The following CLUAP1 variants were observed in gnomAD, a reference collection of about 807,000 sequenced individuals.
CLUAP1 encodes the protein intraflagellar transport 38.
A neutral mutation model predicts 55.0 loss-of-function variants in CLUAP1; 50 were observed. That is an observed-to-expected ratio of 0.91 (90% CI 0.72 to 1.15). The LOEUF is 1.15. Ranked by LOEUF, CLUAP1 falls within the 50% of genes most tolerant of loss-of-function variation. The probability of loss-of-function intolerance (pLI) is 0.00; values close to 1 mark genes in which losing one functional copy is unlikely to be tolerated. For synonymous variants in CLUAP1, 195 were observed against 175.4 expected, an observed-to-expected ratio of 1.11 and a Z score of -0.88; for missense variants, 530 against 507.6, an observed-to-expected ratio of 1.04 and a Z score of -0.42.
chr16:3,529,649 ATT>A (rs1491475525), intron 9 of CLUAP1, among the ~76,000 whole-genome samples: 3,539 of 22,354 alleles, frequency 0.16, 558 homozygotes, highest in Middle Eastern at 0.29. Flanking sequence ...TATATTATAT[ATT>A]ATTATATATT....
intron 8 of CLUAP1, 77 bp downstream of exon 8, chr16:3,523,376 A>G: frequency 1.0e-5 from 15 of 1,462,638 alleles, no homozygotes; most frequent in Non-Finnish European, 1.4e-5. Context: ...CATTTTGTTA[A>G]TATCATTGTG....
chr16:3,533,714 C>T (rs1172751732), intron 11 of CLUAP1: 2 of 154,614 alleles, frequency 1.3e-5, no homozygotes, highest in African/African-American at 4.8e-5. Flanking sequence ...CAGAGACTGA[C>T]CCCAGGCTGC....
chr16:3,521,978 G>C (rs2037846788), intron 7 of CLUAP1, among the ~76,000 whole-genome samples: 1 of 151,962 alleles, frequency 6.6e-6, no homozygotes, highest in Admixed American at 6.6e-5. Context: ...AGGATCACCT[G>C]AGCCCAGGCG....
At chr16:3,525,724 C>T (rs2037929197) in intron 8 of CLUAP1, among the ~76,000 whole-genome samples, 1 of 152,112 alleles carries the variant, frequency 6.6e-6, no homozygotes, top group Non-Finnish European at 1.5e-5. Flanking sequence ...GCCACCATAC[C>T]TGGCTAAATT....
chr16:3,520,109 A>C, intron 7 of CLUAP1, 73 bp downstream of exon 7: 109 of 1,430,458 alleles, frequency 7.6e-5, no homozygotes, highest in Non-Finnish European at 9.8e-5. Flanking sequence ...GTGGTGGCTC[A>C]TGTCTGAAAT....
rs377691939 is a variant in CLUAP1 at position 3,506,311 on chromosome 16, C to G, written c.135-20C>G. 20 of 1,601,080 alleles carry G rather than the reference C, an allele frequency of 1.2e-5. No individual in the cohort carries two copies. The African/African-American group carries it at 2.1e-4, about 17-fold the overall frequency. ...TCTCCTTGGTTAACCCGTGCTCTCT[C>G]CTCTTACCTCTCTTGATAGATATGA... On this transcript the variant is annotated intron_variant, in intron 2 of 11. Coordinates refer to ENST00000576634, the MANE Select transcript of CLUAP1 (RefSeq NM_015041.3).
intron 6 of CLUAP1, among the ~76,000 whole-genome samples, chr16:3,519,662 C>A (rs2037796125): frequency 6.6e-6 from 1 of 152,166 alleles, no homozygotes; most frequent in Non-Finnish European, 1.5e-5. Flanking sequence ...ACTTCTTTCC[C>A]TGGGTAGAAA....
intron 8 of CLUAP1, among the ~76,000 whole-genome samples, chr16:3,526,150 A>G (rs1299002381): frequency 6.6e-6 from 1 of 152,184 alleles, no homozygotes; most frequent in Non-Finnish European, 1.5e-5. Flanking sequence ...GGGAAATGCA[A>G]TCGGAGAAGC....
chr16:3,521,468 C>T (rs1226305536), intron 7 of CLUAP1, among the ~76,000 whole-genome samples: 1 of 148,118 alleles, frequency 6.8e-6, no homozygotes, highest in African/African-American at 2.5e-5. Context: ...GAGTTTCGCT[C>T]TTGTTGCCGA....
the CLUAP1 span, chr16:3,495,494 G>C: frequency 6.4e-7 from 1 of 1,570,872 alleles, no homozygotes; most frequent in African/African-American, 1.3e-5. Context: ...CTGCCTAGGG[G>C]GTACATTGGC....
chr16:3,501,076 C>T lies in CLUAP1; in HGVS notation c.9C>T (p.Phe3=), dbSNP rs745977326. 1.3e-5 allele frequency: 21 copies of T among 1,598,316 alleles called. No homozygotes were observed. The South Asian group carries it at 2.1e-4, about 16-fold the overall frequency. The change falls in exon 1 of 12, where the codon TTC becomes TTT. Residue 3 remains phenylalanine (F), a synonymous_variant. Coordinates refer to ENST00000576634, the MANE Select transcript of CLUAP1 (RefSeq NM_015041.3). MS[F]RDLRNFTEMM... Reference sequence around the variant, plus strand: ...CTGGGGACCTGAGCGTTATGTCTTTCCGCGACCTCCGCAGTAAGGCAGCCC... The same window carrying T: ...CTGGGGACCTGAGCGTTATGTCTTTTCGCGACCTCCGCAGTAAGGCAGCCC...
rs556102418 is a variant in CLUAP1 at position 3,528,846 on chromosome 16, A to G, written c.929-1722A>G. On this transcript the variant is annotated intron_variant, in intron 9 of 11. Coordinates refer to ENST00000576634, the MANE Select transcript of CLUAP1 (RefSeq NM_015041.3). Reference sequence around the variant, plus strand: ...CCTATTATCATTTGTGGAAAAGACTATTATTTCCCCATTGAGTTATACTCG... The same window carrying G: ...CCTATTATCATTTGTGGAAAAGACTGTTATTTCCCCATTGAGTTATACTCG... Among the ~76,000 whole-genome samples the G allele has an allele frequency of 3.3e-5, 5 of 152,176 alleles. No homozygotes were observed. In the South Asian group the frequency reaches 6.2e-4, roughly 19 times the overall value.
At position 3,518,050 on chromosome 16, in the gene CLUAP1, T is replaced by G. The variant is rs769765094; in HGVS notation, c.580-1853T>G. On this transcript the variant is annotated intron_variant, in intron 6 of 11. Transcript: ENST00000576634. ...TGCTGGCTTCCTGTTTTGATGATTGTATTGTGGGGATGTAGGAGAAAGTCC... is the reference window on the plus strand; with the variant it reads ...TGCTGGCTTCCTGTTTTGATGATTGGATTGTGGGGATGTAGGAGAAAGTCC... Among the ~76,000 whole-genome samples the G allele has an allele frequency of 1.8e-4, 28 of 152,064 alleles. 1 individual carries two copies. Among genetic ancestry groups the G allele is most frequent in the South Asian group, 6.2e-4 (3 of 4,828 alleles).
intron 10 of CLUAP1, among the ~76,000 whole-genome samples, chr16:3,532,030 G>A (rs1426226507): frequency 6.6e-6 from 1 of 151,992 alleles, no homozygotes; most frequent in Non-Finnish European, 1.5e-5. Flanking sequence ...GTAGAGACGG[G>A]GTTTCACCAT....
intron 5 of CLUAP1, among the ~76,000 whole-genome samples, chr16:3,513,455 T>A (rs1333507180): frequency 6.6e-6 from 1 of 152,052 alleles, no homozygotes; most frequent in East Asian, 1.9e-4. Context: ...TTTTTTTAAT[T>A]TTGTTATTTT....
chr16:3,519,214 C>T (rs1024021808), intron 6 of CLUAP1, among the ~76,000 whole-genome samples: 2 of 152,230 alleles, frequency 1.3e-5, no homozygotes, highest in African/African-American at 4.8e-5. Context: ...TCCCCCTTCC[C>T]TTCTTTACTC....
rs780345217 is a variant in CLUAP1, at chr16:3,508,376, G to T, written c.307G>T (p.Val103Phe). Residue 103 changes from valine (V) to phenylalanine (F), a missense_variant, in exon 4 of 12, where the codon GTC becomes TTC. Coordinates refer to ENST00000576634, the MANE Select transcript of CLUAP1 (RefSeq NM_015041.3). ...AVKELLKITS[V>F]LYNAMKTKGM... ...AAAAGAGCTGCTGAAGATCACATCTGTCCTTTATAATGCTATGAAGACCAA... is the reference window on the plus strand; with the variant it reads ...AAAAGAGCTGCTGAAGATCACATCTTTCCTTTATAATGCTATGAAGACCAA... 4.4e-6 allele frequency: 7 copies of T among 1,607,678 alleles called. No homozygotes were observed. The East Asian group carries it at 1.1e-4, about 26-fold the overall frequency.
At chr16:3,505,359 T>C (rs2151041754) in intron 2 of CLUAP1, among the ~76,000 whole-genome samples, 1 of 151,932 alleles carries the variant, frequency 6.6e-6, no homozygotes, top group South Asian at 2.1e-4. Context: ...TGAAACCCCA[T>C]CTCTATTAAA....
chr16:3,496,532 C>T, upstream of CLUAP1: 4 of 564,214 alleles, frequency 7.1e-6, no homozygotes, highest in Non-Finnish European at 1.4e-5. Flanking sequence ...CCAGCCGGCC[C>T]ACAGCGGCAT....
Sources: allele counts gnomAD v4.1 joint callset (sites outside exome capture counted in the v4.1 genomes callset), GRCh38; gene constraint gnomAD v4.1.1; transcripts MANE v1.5; gene names NCBI Gene and HGNC (gene_info 2026-07-23, HGNC 2026-07-21).